The following ZNF385C variants were observed in gnomAD, a reference collection of about 807,000 sequenced individuals.
ZNF385C encodes the protein zinc finger protein 385C, also known as CTD-2132N18.2.
In ZNF385C, 28 loss-of-function variants were observed where a neutral mutation model predicts 35.4. That is an observed-to-expected ratio of 0.79 (90% CI 0.59 to 1.08). The LOEUF is 1.08. Ranked by LOEUF, ZNF385C falls within the 50% of genes least tolerant of loss-of-function variation. ZNF385C has a pLI of 0.00. For synonymous variants in ZNF385C, 248 were observed against 248.2 expected, an observed-to-expected ratio of 1.00 and a Z score of 0.01; for missense variants, 605 against 595.6, an observed-to-expected ratio of 1.02 and a Z score of -0.16.
rs192121302 is a variant in ZNF385C at position 42,067,795 on chromosome 17, G to T, written c.-2-4737C>A. On this transcript the variant is annotated intron_variant, in intron 1 of 8. Transcript: ENST00000692273. ...GAAGGTCTTAGGTGCAAGTGTTGGT[G>T]GGGGGAGAGGTCCCATTCCCCGGGT... Among the ~76,000 whole-genome samples the T allele has an allele frequency of 3.4e-3, 525 of 152,262 alleles. 4 individuals carry two copies. Among genetic ancestry groups the T allele is most frequent in the African/African-American group, 0.012 (507 of 41,548 alleles).
intron 5 of ZNF385C, 30 bp from the exon 6 acceptor site, chr17:42,029,103 C>A: frequency 6.5e-7 from 1 of 1,535,040 alleles, no homozygotes; most frequent in African/African-American, 1.4e-5. Flanking sequence ...GTGTGAGACC[C>A]AAGATGACGC....
chr17:42,025,740 G>A lies in ZNF385C; in HGVS notation c.*1157C>T, dbSNP rs1344973295. On this transcript the variant is annotated 3_prime_UTR_variant, in exon 9 of 9. Coordinates refer to ENST00000692273, the MANE Select transcript of ZNF385C (RefSeq NM_001392013.1). ...GGATACTGGCAGGGTCCCATATTGTGGGGTGGGGAGGGGGCAGTGCTGCAG... is the reference window on the plus strand; with the variant it reads ...GGATACTGGCAGGGTCCCATATTGTAGGGTGGGGAGGGGGCAGTGCTGCAG... 2.0e-5 allele frequency: 3 copies of A among 152,638 alleles called. No homozygotes were observed. Among genetic ancestry groups the A allele is most frequent in the Non-Finnish European group, 4.4e-5 (3 of 68,036 alleles). 9.5% of individuals were successfully genotyped at this position (152,638 alleles called of 1,614,324 possible). A position where few individuals can be genotyped will look rare whatever the true frequency, so the allele number is the denominator to read the frequency against.
intron 1 of ZNF385C, among the ~76,000 whole-genome samples, chr17:42,086,551 A>T (rs2053810226): frequency 6.6e-6 from 1 of 151,782 alleles, no homozygotes; most frequent in Non-Finnish European, 1.5e-5. Context: ...AAAATACAAA[A>T]ATTAGCCAGC....
chr17:42,063,542 A>G (rs2053497636), intron 1 of ZNF385C, among the ~76,000 whole-genome samples: 1 of 151,162 alleles, frequency 6.6e-6, no homozygotes, highest in Admixed American at 6.6e-5. Context: ...GAAAGAAAAA[A>G]CAAACAAAAA....
At chr17:42,037,376 G>T (rs1199607855) in intron 3 of ZNF385C, among the ~76,000 whole-genome samples, 1 of 99,210 alleles carries the variant, frequency 1.0e-5, no homozygotes, top group Admixed American at 1.4e-4. Context: ...AAAGGCACAG[G>T]TTACACACAC....
At chr17:42,082,661 GGC>G (rs2143931678) in intron 1 of ZNF385C, among the ~76,000 whole-genome samples, 1 of 152,370 alleles carries the variant, frequency 6.6e-6, no homozygotes, top group South Asian at 2.1e-4. Context: ...CAGCCAGTGT[GGC>G]TGTTCATGCC....
At chr17:42,090,546 A>G (rs2053855788) in intron 1 of ZNF385C, among the ~76,000 whole-genome samples, 1 of 150,974 alleles carries the variant, frequency 6.6e-6, no homozygotes, top group South Asian at 2.1e-4. Context: ...TGGTCTCCCA[A>G]AGTGCTGGGA....
intron 1 of ZNF385C, among the ~76,000 whole-genome samples, chr17:42,078,862 A>G (rs2053713528): frequency 6.6e-6 from 1 of 152,166 alleles, no homozygotes; most frequent in South Asian, 2.1e-4. Context: ...ACTGCGGGGA[A>G]CTGGAGTAAC....
intron 2 of ZNF385C, among the ~76,000 whole-genome samples, chr17:42,057,485 T>C (rs1555657608): frequency 7.2e-6 from 1 of 138,114 alleles, no homozygotes; most frequent in Admixed American, 7.2e-5. Flanking sequence ...CACTTAAAGT[T>C]ATTTAGGGGT....
intron 3 of ZNF385C, among the ~76,000 whole-genome samples, chr17:42,034,787 A>G (rs1284275620): frequency 1.2e-4 from 18 of 150,462 alleles, no homozygotes; most frequent in Non-Finnish European, 1.8e-4. Flanking sequence ...TTCGTCTCAA[A>G]AAAAAAAAAA....
chr17:42,088,995 G>A (rs1381635348), intron 1 of ZNF385C, among the ~76,000 whole-genome samples: 1 of 151,980 alleles, frequency 6.6e-6, no homozygotes, highest in African/African-American at 2.4e-5. Context: ...GCCTGGCCCG[G>A]TTCACTTCTC....
chr17:42,031,680 C>T lies in ZNF385C; in HGVS notation c.615G>A (p.Gly205=). The T allele has an allele frequency of 6.4e-7, 1 of 1,550,666 alleles. No individual in the cohort carries two copies. ...KQRPHTQAQD[G]AVVSPIPTLA... is the part of the protein sequence containing the mutation. Reference sequence around the variant, plus strand: ...GCGTTGGGATTGGGGACACTACAGCCCCATCCTGGGCCTGGGTGTGTGGCC... The same window carrying T: ...GCGTTGGGATTGGGGACACTACAGCTCCATCCTGGGCCTGGGTGTGTGGCC... Residue 205 remains glycine (G), a synonymous_variant, in exon 5 of 9, where the codon GGG becomes GGA. Transcript: ENST00000692273.
intron 2 of ZNF385C, among the ~76,000 whole-genome samples, chr17:42,055,470 T>TG (rs1183761885): frequency 1.3e-5 from 2 of 151,808 alleles, no homozygotes; most frequent in Admixed American, 1.3e-4. Context: ...GGGAAGAGCG[T>TG]GGGGCACTTC....
At chr17:42,063,829 C>T (rs936983201) in intron 1 of ZNF385C, among the ~76,000 whole-genome samples, 11 of 152,204 alleles carry the variant, frequency 7.2e-5, no homozygotes, top group African/African-American at 2.7e-4. Flanking sequence ...GACGCAGCAG[C>T]CGCCAGCCAA....
At chr17:42,084,934 T>A (rs998894686) in intron 1 of ZNF385C, among the ~76,000 whole-genome samples, 5 of 152,150 alleles carry the variant, frequency 3.3e-5, no homozygotes, top group Admixed American at 6.5e-5. Context: ...ATTTTAATTA[T>A]GTTCAATATT....
At chr17:42,059,230 C>G (rs143297454) in intron 2 of ZNF385C, among the ~76,000 whole-genome samples, 6 of 152,354 alleles carry the variant, frequency 3.9e-5, no homozygotes, top group African/African-American at 1.2e-4. Context: ...GGTCACTCCT[C>G]CTAGGCTGGG....
chr17:42,094,209 C>A (rs2053893909), intron 1 of ZNF385C, among the ~76,000 whole-genome samples: 1 of 152,032 alleles, frequency 6.6e-6, no homozygotes, highest in African/African-American at 2.4e-5. Context: ...TTTCGAACTT[C>A]TGACCTCAGG....
At chr17:42,032,583 C>T (rs782337067) in intron 4 of ZNF385C, among the ~76,000 whole-genome samples, 38 of 152,310 alleles carry the variant, frequency 2.5e-4, no homozygotes, top group Admixed American at 1.1e-3. Flanking sequence ...GGTGTATGTA[C>T]CCCAGAACAT....
chr17:42,070,039 C>CA (rs1304719966), intron 1 of ZNF385C, among the ~76,000 whole-genome samples: 64 of 150,566 alleles, frequency 4.3e-4, no homozygotes, highest in African/African-American at 1.5e-3. Context: ...AACTCCGTCT[C>CA]AAAAAAATAA....
Sources: gnomAD v4.1 joint callset for allele counts (sites outside exome capture counted in the v4.1 genomes callset) on GRCh38, gnomAD v4.1.1 for gene constraint, MANE v1.5 for transcripts, NCBI Gene and HGNC (gene_info 2026-07-23, HGNC 2026-07-21) for gene names.